The following MSH3 variants were observed in gnomAD, a reference collection of about 807,000 sequenced individuals.
The protein encoded by MSH3 is mutS homolog 3.
MSH3 carries 106 observed loss-of-function variants against 123.3 expected under a neutral mutation model. The ratio of observed to expected loss-of-function variants is 0.86; its 90% confidence interval spans 0.73 to 1.01. MSH3 has a LOEUF of 1.01. Among genes scored for constraint, MSH3 ranks in the 50% least tolerant of loss-of-function variants. MSH3 has a pLI of 0.00. For synonymous variants in MSH3, 515 were observed against 481.4 expected, an observed-to-expected ratio of 1.07 and a Z score of -0.91; for missense variants, 1,459 against 1,347.6, an observed-to-expected ratio of 1.08 and a Z score of -1.29.
At chr5:80,740,360 C>CTTT (rs747484860) in intron 10 of MSH3, among the ~76,000 whole-genome samples, 3 of 142,234 alleles carry the variant, frequency 2.1e-5, no homozygotes, top group Non-Finnish European at 3.1e-5. Context: ...TTTCTTTTCT[C>CTTT]TTTTTTTTTT....
chr5:80,672,423 G>C, intron 5 of MSH3, 63 bp downstream of exon 5: 1 of 1,264,314 alleles, frequency 7.9e-7, no homozygotes, highest in Non-Finnish European at 1.2e-6. Flanking sequence ...GAGTGCAAAC[G>C]TGTTTTGTAA....
chr5:80,744,515 A>C lies in MSH3; in HGVS notation c.1663A>C (p.Lys555Gln). The change falls in exon 12 of 24, where the codon AAA (lysine) becomes CAA (glutamine). Residue 555 changes from lysine (K) to glutamine (Q), a missense_variant. Physicochemically the swap from Lys to Gln is moderately conservative, Grantham distance 53. Coordinates refer to ENST00000265081, the MANE Select transcript of MSH3 (RefSeq NM_002439.5). ...TTCTGGTCTTTCTTAGACTGATATG[A>C]AAACCAAAGGAAGTTTGCTGTGGGT... Reference protein sequence around the residue: ...LEILQNQTDMKTKGSLLWVLD... With the variant: ...LEILQNQTDMQTKGSLLWVLD... The C allele has an allele frequency of 6.2e-7, 1 of 1,613,008 alleles. No homozygotes were observed. The highest frequency in any genetic ancestry group is 8.5e-7 in the Non-Finnish European group (1 of 1,179,330).
At chr5:80,758,640 A>G (rs1743973128) in intron 12 of MSH3, among the ~76,000 whole-genome samples, 1 of 152,226 alleles carries the variant, frequency 6.6e-6, no homozygotes, top group Non-Finnish European at 1.5e-5. Context: ...CACTAGACTA[A>G]AATAAAAACC....
chr5:80,692,268 A>G (rs1421473201), intron 8 of MSH3, among the ~76,000 whole-genome samples: 1 of 56,030 alleles, frequency 1.8e-5, no homozygotes, highest in African/African-American at 9.7e-5. Flanking sequence ...ATAAACATGT[A>G]TATGTTAGAT....
At chr5:80,687,578 G>A (rs545770797) in intron 8 of MSH3, among the ~76,000 whole-genome samples, 2 of 152,246 alleles carry the variant, frequency 1.3e-5, no homozygotes, top group South Asian at 4.1e-4. Flanking sequence ...TAATGGGGAG[G>A]GGGGAAGGGT....
chr5:80,858,563 T>G (rs1393044426), intron 21 of MSH3, among the ~76,000 whole-genome samples: 1 of 152,240 alleles, frequency 6.6e-6, no homozygotes, highest in African/African-American at 2.4e-5. Flanking sequence ...CATTGTGGTA[T>G]GAGATCAAAT....
intron 2 of MSH3, among the ~76,000 whole-genome samples, chr5:80,664,275 T>G (rs1749513228): frequency 1.3e-5 from 2 of 152,176 alleles, no homozygotes. Context: ...AGAAAGCATA[T>G]CATGGGCAAA....
At chr5:80,816,308 A>G (rs897070738) in intron 20 of MSH3, among the ~76,000 whole-genome samples, 4 of 152,202 alleles carry the variant, frequency 2.6e-5, no homozygotes, top group Admixed American at 2.6e-4. Flanking sequence ...TGATCTGGTC[A>G]GGAAGGTCAG....
rs769258876 is a variant in MSH3 at position 80,674,977 on chromosome 5, T to C, written c.1028-6T>C. 5.0e-5 allele frequency: 79 copies of C among 1,577,514 alleles called. No homozygotes were observed. The highest frequency in any genetic ancestry group is 6.2e-5 in the Non-Finnish European group (71 of 1,151,610). ...CATATAATTATTTTTCTTTAATTAT[T>C]ATTAAATGTGAATCCCCTAATCAAG... On this transcript the variant is annotated splice_polypyrimidine_tract_variant and splice_region_variant and intron_variant, in intron 6 of 23. Coordinates refer to ENST00000265081, the MANE Select transcript of MSH3 (RefSeq NM_002439.5).
At chr5:80,768,582 T>C (rs899197627) in intron 14 of MSH3, among the ~76,000 whole-genome samples, 7 of 152,160 alleles carry the variant, frequency 4.6e-5, no homozygotes, top group African/African-American at 1.7e-4. Flanking sequence ...GTTTTCTGCA[T>C]AGGCAAACAA....
intron 10 of MSH3, 140 bp downstream of exon 10, chr5:80,729,105 T>C (rs1441776020): frequency 1.6e-6 from 1 of 617,354 alleles, no homozygotes; most frequent in Non-Finnish European, 2.9e-6. Context: ...CTGTTTGGTA[T>C]TGTTGCTGAA....
intron 23 of MSH3, among the ~76,000 whole-genome samples, chr5:80,874,252 A>C (rs997889094): frequency 6.6e-6 from 1 of 152,304 alleles, no homozygotes; most frequent in African/African-American, 2.4e-5. Context: ...ACCAAAGTAC[A>C]GTAGTGCAGT....
chr5:80,654,681 G>C lies in MSH3; in HGVS notation c.-47G>C. 1 of 1,543,094 alleles carries C rather than the reference G, an allele frequency of 6.5e-7. No homozygotes were observed. Among genetic ancestry groups the C allele is most frequent in the Non-Finnish European group, 8.8e-7 (1 of 1,141,620 alleles). On this transcript the variant is annotated 5_prime_UTR_variant, in exon 1 of 24. Transcript: ENST00000265081. ...GCCTGGGAACTGCGGCCGCGGGCTC[G>C]CGCTCCTCGCCAGGCCCTGCCGCCG...
intron 17 of MSH3, among the ~76,000 whole-genome samples, chr5:80,779,754 C>T (rs566169510): frequency 1.2e-4 from 18 of 151,298 alleles, no homozygotes; most frequent in Admixed American, 3.3e-4. Flanking sequence ...TTAATAGAGA[C>T]GGGGTTTCAC....
chr5:80,812,622 C>G (rs1449553575), intron 19 of MSH3, among the ~76,000 whole-genome samples: 1 of 145,174 alleles, frequency 6.9e-6, no homozygotes, highest in Non-Finnish European at 1.5e-5. Flanking sequence ...CTCACTCTCA[C>G]CCATGCTGGA....
intron 20 of MSH3, among the ~76,000 whole-genome samples, chr5:80,840,833 G>A (rs1038050788): frequency 6.6e-6 from 1 of 151,454 alleles, no homozygotes; most frequent in African/African-American, 2.4e-5. Flanking sequence ...CTATGAGTGA[G>A]AACATGCAGT....
chr5:80,719,816 C>G (rs564740374), intron 8 of MSH3, among the ~76,000 whole-genome samples: 1 of 152,296 alleles, frequency 6.6e-6, no homozygotes, highest in African/African-American at 2.4e-5. Context: ...CCATGTCTTT[C>G]TAGTCATTTT....
intron 16 of MSH3, 126 bp downstream of exon 16, chr5:80,775,884 A>T: frequency 1.6e-6 from 1 of 640,174 alleles, no homozygotes. Flanking sequence ...ATTTTTTCTG[A>T]TGGAACTTTT....
At chr5:80,828,023 G>C (rs1364008157) in intron 20 of MSH3, among the ~76,000 whole-genome samples, 2 of 152,044 alleles carry the variant, frequency 1.3e-5, no homozygotes, top group Non-Finnish European at 2.9e-5. Flanking sequence ...CCCCACCAGA[G>C]TACTCCCTTT....
Sources: allele counts gnomAD v4.1 joint callset (sites outside exome capture counted in the v4.1 genomes callset), GRCh38; gene constraint gnomAD v4.1.1; transcripts MANE v1.5; gene names NCBI Gene and HGNC (gene_info 2026-07-23, HGNC 2026-07-21).